The following SPATS2 variants were observed in gnomAD, a reference collection of about 807,000 sequenced individuals.
SPATS2 encodes the protein spermatogenesis-associated serine-rich protein 2.
In SPATS2, 38 loss-of-function variants were observed where a neutral mutation model predicts 63.7. The observed-to-expected ratio is 0.60, with a 90% CI of 0.46 to 0.78. The LOEUF is 0.78. Among genes scored for constraint, SPATS2 ranks in the 30% least tolerant of loss-of-function variants. The pLI is 0.00. For synonymous variants in SPATS2, 207 were observed against 232.9 expected, an observed-to-expected ratio of 0.89 and a Z score of 1.01; for missense variants, 588 against 666.2, an observed-to-expected ratio of 0.88 and a Z score of 1.29.
At chr12:49,456,778 A>G (rs1355616973) in intron 2 of SPATS2, among the ~76,000 whole-genome samples, 1 of 152,096 alleles carries the variant, frequency 6.6e-6, no homozygotes, top group Non-Finnish European at 1.5e-5. Flanking sequence ...TTAAAGGGAA[A>G]TTTCCTGTTT....
intron 2 of SPATS2, among the ~76,000 whole-genome samples, chr12:49,373,785 C>T (rs556612788): frequency 6.6e-6 from 1 of 152,012 alleles, no homozygotes; most frequent in Non-Finnish European, 1.5e-5. Context: ...ATTGGCTGAG[C>T]GTGGTGGCAT....
chr12:49,417,469 T>C (rs1304412231), intron 2 of SPATS2, among the ~76,000 whole-genome samples: 2 of 152,246 alleles, frequency 1.3e-5, no homozygotes, highest in Admixed American at 1.3e-4. Flanking sequence ...ATTAGGGCAC[T>C]GTCTGTAGAA....
chr12:49,378,383 C>T (rs1468684013), intron 2 of SPATS2, among the ~76,000 whole-genome samples: 5 of 151,732 alleles, frequency 3.3e-5, no homozygotes, highest in South Asian at 2.1e-4. Context: ...CTGCAACCTC[C>T]GCCTCCCGGG....
rs528492909 is a variant in SPATS2, at chr12:49,427,131, A to G, written c.-243-33639A>G. On this transcript the variant is annotated intron_variant, in intron 2 of 13. Coordinates refer to ENST00000552918, the MANE Select transcript of SPATS2 (RefSeq NM_023071.4). Reference sequence around the variant, plus strand: ...GTTACTTCACATCCTCCTATGGCAAACAATAAAGTTTTTTAAAAGGTGAGG... The same window carrying G: ...GTTACTTCACATCCTCCTATGGCAAGCAATAAAGTTTTTTAAAAGGTGAGG... 2.0e-5 allele frequency among the ~76,000 whole-genome samples: 3 copies of G among 152,140 alleles called. No individual in the cohort carries two copies. In the East Asian group the frequency reaches 5.8e-4, roughly 30 times the overall value.
chr12:49,446,327 T>C (rs959369469), intron 2 of SPATS2, among the ~76,000 whole-genome samples: 21 of 152,216 alleles, frequency 1.4e-4, no homozygotes, highest in African/African-American at 5.1e-4. Flanking sequence ...GCAACATGCA[T>C]GTCTCATCTC....
chr12:49,451,116 C>T (rs1367632624), intron 2 of SPATS2, among the ~76,000 whole-genome samples: 1 of 152,150 alleles, frequency 6.6e-6, no homozygotes, highest in East Asian at 1.9e-4. Context: ...AGGTGATCCA[C>T]CTGCCTCAGC....
chr12:49,503,729 T>A (rs1946608795), intron 9 of SPATS2, among the ~76,000 whole-genome samples: 1 of 152,128 alleles, frequency 6.6e-6, no homozygotes. Flanking sequence ...GTCTCCATGA[T>A]TGTTCAGCTT....
At chr12:49,508,215 C>CT (rs1166184851) in intron 9 of SPATS2, among the ~76,000 whole-genome samples, 23 of 145,890 alleles carry the variant, frequency 1.6e-4, no homozygotes, top group South Asian at 2.2e-4. Flanking sequence ...ATTCCAGTTT[C>CT]TTTTTTTTTT....
At chr12:49,399,139 CAA>C (rs1311453082) in intron 2 of SPATS2, among the ~76,000 whole-genome samples, 1 of 151,812 alleles carries the variant, frequency 6.6e-6, no homozygotes, top group Non-Finnish European at 1.5e-5. Flanking sequence ...ATTTTTTTCT[CAA>C]AGAGCATATA....
At chr12:49,453,832 C>G (rs1592412346) in intron 2 of SPATS2, among the ~76,000 whole-genome samples, 1 of 147,126 alleles carries the variant, frequency 6.8e-6, no homozygotes, top group African/African-American at 2.5e-5. Context: ...AAGCACGGGA[C>G]ACAGAATTGC....
intron 2 of SPATS2, among the ~76,000 whole-genome samples, chr12:49,372,953 T>C (rs1423401325): frequency 8.2e-6 from 1 of 121,652 alleles, no homozygotes; most frequent in East Asian, 2.1e-4. Context: ...TGTGTGTGTG[T>C]GTGTGTGTGT....
intron 3 of SPATS2, among the ~76,000 whole-genome samples, chr12:49,465,637 G>A (rs1945899797): frequency 6.6e-6 from 1 of 151,984 alleles, no homozygotes; most frequent in African/African-American, 2.4e-5. Flanking sequence ...CCCATTCCAT[G>A]GCTTGTCTTC....
chr12:49,524,500 G>A (rs1008117537), intron 12 of SPATS2, among the ~76,000 whole-genome samples, 182 bp from the exon 13 acceptor site: 2 of 152,202 alleles, frequency 1.3e-5, no homozygotes, highest in Non-Finnish European at 2.9e-5. Context: ...GGGCTTTGGA[G>A]GAAGTGGAGG....
At chr12:49,489,099 ATTG>A (rs1946343119) in intron 4 of SPATS2, among the ~76,000 whole-genome samples, 1 of 152,186 alleles carries the variant, frequency 6.6e-6, no homozygotes, top group Non-Finnish European at 1.5e-5. Flanking sequence ...CTAAGTTGTT[ATTG>A]TTGCTAGTTC....
intron 12 of SPATS2, among the ~76,000 whole-genome samples, chr12:49,524,316 A>G (rs1373594623): frequency 6.6e-6 from 1 of 152,190 alleles, no homozygotes; most frequent in Non-Finnish European, 1.5e-5. Flanking sequence ...TTTCTTGCAT[A>G]GGAAACTGAA....
intron 2 of SPATS2, among the ~76,000 whole-genome samples, chr12:49,377,820 T>C (rs1164480165): frequency 2.6e-5 from 4 of 152,192 alleles, no homozygotes; most frequent in Admixed American, 2.6e-4. Context: ...GCACAAGCCA[T>C]TGAGTACACA....
intron 2 of SPATS2, among the ~76,000 whole-genome samples, chr12:49,385,103 C>G (rs1944289575): frequency 6.6e-6 from 1 of 152,002 alleles, no homozygotes; most frequent in Non-Finnish European, 1.5e-5. Flanking sequence ...CCCACTGCAC[C>G]CAGTCCATTC....
rs142183948 is a variant in SPATS2 at position 49,455,046 on chromosome 12, G to A, written c.-243-5724G>A. Among the ~76,000 whole-genome samples the A allele has an allele frequency of 2.7e-3, 412 of 152,112 alleles. 2 individuals carry two copies. Among genetic ancestry groups the A allele is most frequent in the Non-Finnish European group, 2.8e-3 (188 of 68,008 alleles). On this transcript the variant is annotated intron_variant, in intron 2 of 13. Coordinates refer to ENST00000552918, the MANE Select transcript of SPATS2 (RefSeq NM_023071.4). ...ACCCTTGCCTTTGTAGCGTTGATAC[G>A]ATTTCATAAACTAAAGGGTCTGCTC... is the stretch of plus-strand genomic sequence containing the variant.
At chr12:49,468,255 G>A (rs1169637320) in intron 3 of SPATS2, among the ~76,000 whole-genome samples, 1 of 150,552 alleles carries the variant, frequency 6.6e-6, no homozygotes, top group Admixed American at 6.6e-5. Flanking sequence ...CACCTCCCAG[G>A]TTCAAGCAGT....
Sources: gnomAD v4.1 joint callset for allele counts (sites outside exome capture counted in the v4.1 genomes callset) on GRCh38, gnomAD v4.1.1 for gene constraint, MANE v1.5 for transcripts, NCBI Gene and HGNC (gene_info 2026-07-23, HGNC 2026-07-21) for gene names.